Variants in ARHGEF3 observed in about 807,000 individuals in gnomAD.
ARHGEF3 encodes Rho guanine nucleotide exchange factor 3.
In ARHGEF3, 28 loss-of-function variants were observed where a neutral mutation model predicts 63.2. The ratio of observed to expected loss-of-function variants is 0.44; its 90% CI spans 0.33 to 0.61. The LOEUF is 0.61. Ranked by LOEUF, ARHGEF3 falls within the 20% of genes least tolerant of loss-of-function variation. The probability of loss-of-function intolerance (pLI) is 0.03; values close to 1 mark genes in which losing one functional copy is unlikely to be tolerated. For synonymous variants in ARHGEF3, 266 were observed against 254.2 expected, an observed-to-expected ratio of 1.05 and a Z score of -0.44; for missense variants, 533 against 659.3, an observed-to-expected ratio of 0.81 and a Z score of 2.10.
intron 3 of ARHGEF3, among the ~76,000 whole-genome samples, chr3:56,949,079 C>T (rs1236231959): frequency 1.3e-5 from 2 of 151,906 alleles, no homozygotes; most frequent in Middle Eastern, 3.2e-3. Context: ...AATTCAACAG[C>T]CCTTCATGCT....
chr3:56,794,963 A>G (rs1319981758), intron 1 of ARHGEF3, among the ~76,000 whole-genome samples: 2 of 151,784 alleles, frequency 1.3e-5, no homozygotes, highest in East Asian at 3.9e-4. Context: ...GGCTCCAGCA[A>G]TTCTCCCACC....
intron 1 of ARHGEF3, among the ~76,000 whole-genome samples, chr3:57,042,939 T>G (rs11916883): frequency 0.42 from 63,410 of 150,396 alleles, 13,769 homozygotes; most frequent in Middle Eastern, 0.47. Flanking sequence ...CCTCGTGATC[T>G]GCCCTCCTCA....
At chr3:56,948,047 G>T (rs1254713533) in intron 3 of ARHGEF3, among the ~76,000 whole-genome samples, 1 of 152,140 alleles carries the variant, frequency 6.6e-6, no homozygotes, top group Non-Finnish European at 1.5e-5. Context: ...ATAACGAAAT[G>T]AAGGCAGAAA....
intron 4 of ARHGEF3, among the ~76,000 whole-genome samples, chr3:56,832,168 C>T (rs2038953679): frequency 1.3e-5 from 2 of 152,190 alleles, no homozygotes; most frequent in East Asian, 3.8e-4. Flanking sequence ...GCCCCTTGGG[C>T]CCATTTCAGA....
intron 2 of ARHGEF3, among the ~76,000 whole-genome samples, chr3:57,004,009 A>G (rs572056451): frequency 6.6e-6 from 1 of 152,318 alleles, no homozygotes; most frequent in Non-Finnish European, 1.5e-5. Flanking sequence ...AGCCACTGGA[A>G]ACTACCACAG....
chr3:56,799,106 T>C (rs998907981), intron 1 of ARHGEF3, among the ~76,000 whole-genome samples: 1 of 152,230 alleles, frequency 6.6e-6, no homozygotes, highest in Non-Finnish European at 1.5e-5. Context: ...AAATTACAAA[T>C]CACTTAAATC....
intron 2 of ARHGEF3, among the ~76,000 whole-genome samples, chr3:57,027,606 G>A (rs1483845191): frequency 6.6e-6 from 1 of 152,156 alleles, no homozygotes; most frequent in Non-Finnish European, 1.5e-5. Context: ...TGTAATCCCA[G>A]CACTTTGGGA....
chr3:56,744,983 G>A (rs2046823), intron 7 of ARHGEF3, among the ~76,000 whole-genome samples: 52,422 of 151,980 alleles, frequency 0.34, 10,108 homozygotes, highest in African/African-American at 0.5. Context: ...ACCTTACAGC[G>A]TGTTTCATGT....
chr3:56,899,488 T>C (rs1353763019), intron 3 of ARHGEF3, among the ~76,000 whole-genome samples: 1 of 152,240 alleles, frequency 6.6e-6, no homozygotes, highest in Non-Finnish European at 1.5e-5. Flanking sequence ...AGCACCTAGT[T>C]AGAATTTATT....
At chr3:56,852,891 AACCTT>A (rs1462927099) in intron 4 of ARHGEF3, among the ~76,000 whole-genome samples, 2 of 152,170 alleles carry the variant, frequency 1.3e-5, no homozygotes. Context: ...TCCAAAAAGG[AACCTT>A]GTCTGCTCGA....
intron 2 of ARHGEF3, among the ~76,000 whole-genome samples, chr3:57,013,492 G>A (rs999632738): frequency 2.0e-5 from 3 of 152,088 alleles, no homozygotes; most frequent in Non-Finnish European, 4.4e-5. Flanking sequence ...TCTAGCTAGA[G>A]GATTGTAAAT....
chr3:57,055,426 T>A (rs1400728634), intron 1 of ARHGEF3, among the ~76,000 whole-genome samples: 1 of 152,166 alleles, frequency 6.6e-6, no homozygotes, highest in Non-Finnish European at 1.5e-5. Flanking sequence ...CCTCCCAGAG[T>A]GCCAGGATTA....
At chr3:56,742,209 G>A (rs1173356216) in intron 7 of ARHGEF3, among the ~76,000 whole-genome samples, 1 of 151,936 alleles carries the variant, frequency 6.6e-6, no homozygotes, top group Non-Finnish European at 1.5e-5. Context: ...AAATAGTGGT[G>A]AGGTGGGGGG....
chr3:57,042,698 A>ATTTTTTTT (rs1235160376), intron 1 of ARHGEF3, among the ~76,000 whole-genome samples: 2 of 41,410 alleles, frequency 4.8e-5, no homozygotes, highest in Non-Finnish European at 1.1e-4. Flanking sequence ...ATATATATAT[A>ATTTTTTTT]TATTTTTTTT....
At position 57,059,953 on chromosome 3, in the gene ARHGEF3, G is replaced by A. The variant is rs566672000; in HGVS notation, c.-28+19273C>T. On this transcript the variant is annotated intron_variant, in intron 1 of 12. Coordinates refer to the ARHGEF3 transcript ENST00000338458. ...AGAGGTTGCAGTCAGCGGAGATCAC[G>A]CCATTGCACTCCAGCCTGGGCAACA... Among the ~76,000 whole-genome samples the A allele has an allele frequency of 3.9e-5, 6 of 152,096 alleles. No homozygotes were observed. In the South Asian group the frequency reaches 6.2e-4, roughly 16 times the overall value.
At chr3:56,739,456 A>G (rs944444686) in intron 7 of ARHGEF3, among the ~76,000 whole-genome samples, 5 of 144,408 alleles carry the variant, frequency 3.5e-5, no homozygotes, top group African/African-American at 5.2e-5. Flanking sequence ...GCTGGAGTGC[A>G]GTGGCGCCAT....
chr3:56,741,660 C>T (rs936342468), intron 7 of ARHGEF3, among the ~76,000 whole-genome samples: 58 of 151,904 alleles, frequency 3.8e-4, no homozygotes, highest in African/African-American at 8.9e-4. Flanking sequence ...CCTGCCACCA[C>T]GCCCAGCTAA....
intron 2 of ARHGEF3, chr3:56,977,310 A>T: frequency 4.4e-6 from 2 of 456,714 alleles, no homozygotes; most frequent in Non-Finnish European, 8.8e-6. Flanking sequence ...CATCTAAAGC[A>T]CAGGGCAGAG....
intron 1 of ARHGEF3, chr3:57,035,222 T>G (rs1235570266): frequency 8.9e-7 from 1 of 1,126,926 alleles, no homozygotes; most frequent in African/African-American, 1.6e-5. Context: ...CTAGGTACAT[T>G]TATGTTATAA....
Sources: gnomAD v4.1 joint callset for allele counts (sites outside exome capture counted in the v4.1 genomes callset) on GRCh38, gnomAD v4.1.1 for gene constraint, MANE v1.5 for transcripts, NCBI Gene and HGNC (gene_info 2026-07-23, HGNC 2026-07-21) for gene names.